CCNI: variants seen among roughly 807,000 people sequenced by gnomAD.
CCNI encodes the protein cyclin I.
Under a neutral mutation model 34.1 loss-of-function variants are expected in CCNI, and 14 were observed. That is an observed-to-expected ratio of 0.41 (90% CI 0.27 to 0.64). The LOEUF (loss-of-function observed/expected upper bound fraction) is 0.64, where lower values mean the gene tolerates loss of function less well. Among genes scored for constraint, CCNI ranks in the 30% least tolerant of loss-of-function variants. The probability of loss-of-function intolerance (pLI) is 0.31; values close to 1 mark genes in which losing one functional copy is unlikely to be tolerated. For synonymous variants in CCNI, 154 were observed against 158.4 expected (o/e 0.97, Z 0.21); for missense variants, 385 against 440.5 (o/e 0.87, Z 1.13).
At position 77,075,642 on chromosome 4, in the gene CCNI, GGGGCGCGGGCGC is replaced by G. The variant is rs147494324; in HGVS notation, c.-226_-215del. 7 of 874,318 alleles carry G rather than the reference GGGGCGCGGGCGC, an allele frequency of 8.0e-6. No homozygotes were observed. Among genetic ancestry groups the G allele is most frequent in the Non-Finnish European group, 8.2e-6 (6 of 728,962 alleles). 54.2% of individuals were successfully genotyped at this position (874,318 alleles called of 1,614,324 possible). ...GAGGGAGAAAGGGGAAGCGGATCGG[GGGGCGCGGGCGC>G]GGGCGCTGGCGCTCGAGCGGGACGC... On this transcript the variant is annotated 5_prime_UTR_variant, in exon 1 of 7. Coordinates refer to ENST00000237654, the MANE Select transcript of CCNI (RefSeq NM_006835.3).
chr4:77,056,153 A>G (rs1444022145), intron 4 of CCNI, 51 bp from the exon 5 acceptor site: 5 of 1,603,616 alleles, frequency 3.1e-6, no homozygotes, highest in Non-Finnish European at 2.6e-6. Flanking sequence ...CAGAAAAGAA[A>G]CTCATTTATG....
intron 1 of CCNI, among the ~76,000 whole-genome samples, chr4:77,068,609 T>C (rs1729223829): frequency 6.6e-6 from 1 of 152,236 alleles, no homozygotes; most frequent in Non-Finnish European, 1.5e-5. Context: ...TTTTTCATTA[T>C]AAATTTCACT....
chr4:77,048,711 A>G lies in CCNI; in HGVS notation c.691-49T>C, dbSNP rs763459878. ...CACACACAGTTGATCATTAATTAAC[A>G]TAGGCTGCTCTGTTATCTCTGGTGG... On this transcript the variant is annotated intron_variant, in intron 6 of 6. Transcript: ENST00000237654. The G allele has an allele frequency of 2.3e-5, 33 of 1,404,452 alleles. No individual in the cohort carries two copies. The South Asian group carries it at 4.7e-4, about 20-fold the overall frequency. 87.0% of individuals were successfully genotyped at this position (1,404,452 alleles called of 1,614,324 possible). A position where few individuals can be genotyped will look rare whatever the true frequency, so the allele number is the denominator to read the frequency against.
At chr4:77,061,139 C>T (rs995557626) in intron 2 of CCNI, among the ~76,000 whole-genome samples, 1 of 152,152 alleles carries the variant, frequency 6.6e-6, no homozygotes, top group African/African-American at 2.4e-5. Context: ...CTAGCCAAAA[C>T]CAGCAATAAT....
intron 3 of CCNI, among the ~76,000 whole-genome samples, chr4:77,056,745 C>G (rs954370844): frequency 2.6e-5 from 4 of 151,910 alleles, no homozygotes; most frequent in African/African-American, 9.7e-5. Flanking sequence ...CCCGCCACCA[C>G]GCCCAGCTAA....
chr4:77,065,703 T>C (rs1728982080), intron 2 of CCNI, among the ~76,000 whole-genome samples: 1 of 152,164 alleles, frequency 6.6e-6, no homozygotes, highest in Non-Finnish European at 1.5e-5. Flanking sequence ...AACCTAACTA[T>C]TTTCCCAAAG....
intron 2 of CCNI, among the ~76,000 whole-genome samples, chr4:77,060,037 T>C (rs1728498495): frequency 6.6e-6 from 1 of 151,884 alleles, no homozygotes; most frequent in Admixed American, 6.6e-5. Context: ...TTACAGTAGC[T>C]ATGAAAACAA....
chr4:77,055,464 CTTTT>C (rs11378505), intron 5 of CCNI, 84 bp from the exon 6 acceptor site: 361 of 671,344 alleles, frequency 5.4e-4, no homozygotes, highest in Non-Finnish European at 6.3e-4. Context: ...TATTCAATTT[CTTTT>C]TTTTTTTTTT....
intron 1 of CCNI, among the ~76,000 whole-genome samples, chr4:77,072,156 T>C (rs575494966): frequency 1.3e-5 from 2 of 152,260 alleles, no homozygotes; most frequent in South Asian, 2.1e-4. Context: ...AAAAGGATTA[T>C]ATACCATAAC....
intron 6 of CCNI, among the ~76,000 whole-genome samples, chr4:77,053,577 A>T (rs953716470): frequency 3.3e-5 from 5 of 152,188 alleles, no homozygotes; most frequent in Non-Finnish European, 5.9e-5. Flanking sequence ...TATTTACAAC[A>T]TTATTATTTA....
intron 6 of CCNI, among the ~76,000 whole-genome samples, chr4:77,054,715 G>C (rs562347223): frequency 1.3e-5 from 2 of 152,304 alleles, no homozygotes; most frequent in South Asian, 2.1e-4. Context: ...TGCCAGTTTG[G>C]TATAAATACT....
At chr4:77,072,452 CAAAAAAA>C (rs11327592) in intron 1 of CCNI, among the ~76,000 whole-genome samples, 51 of 62,228 alleles carry the variant, frequency 8.2e-4, no homozygotes, top group Middle Eastern at 0.026. Context: ...CTGTCTCCAC[CAAAAAAA>C]AAAAAAAAAA....
chr4:77,064,332 T>A (rs1728856968), intron 2 of CCNI, among the ~76,000 whole-genome samples: 1 of 152,092 alleles, frequency 6.6e-6, no homozygotes, highest in African/African-American at 2.4e-5. Context: ...AAGACCAGGC[T>A]GTAAAAATAT....
chr4:77,064,074 C>T (rs1209366984), intron 2 of CCNI, among the ~76,000 whole-genome samples: 2 of 151,696 alleles, frequency 1.3e-5, no homozygotes, highest in Non-Finnish European at 2.9e-5. Context: ...AAACCCTGTC[C>T]CTACTAAAAA....
At chr4:77,058,782 C>G (rs4252870) in intron 2 of CCNI, 147 bp from the exon 3 acceptor site, 20 of 625,484 alleles carry the variant, frequency 3.2e-5, no homozygotes, top group South Asian at 1.4e-4. Context: ...AGACTTGAGA[C>G]ACATGAAATA....
chr4:77,067,921 T>C (rs1729175030), intron 1 of CCNI, among the ~76,000 whole-genome samples: 1 of 151,398 alleles, frequency 6.6e-6, no homozygotes, highest in African/African-American at 2.4e-5. Context: ...CTCACACCTG[T>C]AATCCTAGCA....
chr4:77,063,174 C>T (rs1728736687), intron 2 of CCNI, among the ~76,000 whole-genome samples: 1 of 151,920 alleles, frequency 6.6e-6, no homozygotes, highest in Admixed American at 6.6e-5. Context: ...GCAAATTAAA[C>T]AAGAATTATG....
intron 6 of CCNI, among the ~76,000 whole-genome samples, chr4:77,051,784 G>A (rs1318978462): frequency 1.3e-5 from 2 of 152,088 alleles, no homozygotes; most frequent in African/African-American, 4.8e-5. Flanking sequence ...ATTATAAGGT[G>A]TCAAGAGAAT....
chr4:77,067,809 AAAAAAAAAAAG>A (rs1269255020), intron 1 of CCNI, among the ~76,000 whole-genome samples: 10 of 148,648 alleles, frequency 6.7e-5, no homozygotes, highest in Non-Finnish European at 7.5e-5. Flanking sequence ...AAAAAAAAAA[AAAAAAAAAAAG>A]AAGCAAACTA....
Sources: gnomAD v4.1 joint callset for allele counts (sites outside exome capture counted in the v4.1 genomes callset) on GRCh38, gnomAD v4.1.1 for gene constraint, MANE v1.5 for transcripts, NCBI Gene and HGNC (gene_info 2026-07-23, HGNC 2026-07-21) for gene names.